Variants in MGAT4C observed in about 807,000 individuals in gnomAD.
MGAT4C encodes the protein alpha-1,3-mannosyl-glycoprotein 4-beta-N-acetylglucosaminyltransferase C.
In MGAT4C, 19 loss-of-function variants were observed where a neutral mutation model predicts 40.1. The ratio of observed to expected loss-of-function variants is 0.47; its 90% confidence interval spans 0.33 to 0.70. The LOEUF is 0.70. Among genes scored for constraint, MGAT4C ranks in the 30% least tolerant of loss-of-function variants. The pLI is 0.02. For missense variants in MGAT4C, 491 were observed against 563.2 expected (o/e 0.87, Z 1.30); for synonymous variants, 181 against 187.1 (o/e 0.97, Z 0.27).
intron 1 of MGAT4C, among the ~76,000 whole-genome samples, chr12:86,199,038 G>A (rs958532104): frequency 3.3e-5 from 5 of 152,130 alleles, no homozygotes; most frequent in Non-Finnish European, 4.4e-5. Flanking sequence ...ACTCATAATG[G>A]TTACCTTAAT....
intron 1 of MGAT4C, among the ~76,000 whole-genome samples, chr12:86,737,558 G>A (rs773513265): frequency 2.0e-5 from 3 of 151,130 alleles, no homozygotes; most frequent in Non-Finnish European, 4.4e-5. Context: ...CAAATTCCAT[G>A]CCAGTACCGA....
At chr12:86,326,295 AT>A (rs1280017595) in intron 4 of MGAT4C, among the ~76,000 whole-genome samples, 1 of 127,992 alleles carries the variant, frequency 7.8e-6, no homozygotes, top group East Asian at 2.2e-4. Flanking sequence ...CAGTATTCTC[AT>A]CACACACACA....
At chr12:86,119,097 T>C (rs1878922477) in intron 1 of MGAT4C, among the ~76,000 whole-genome samples, 1 of 152,154 alleles carries the variant, frequency 6.6e-6, no homozygotes, top group Non-Finnish European at 1.5e-5. Flanking sequence ...TAATGTTACA[T>C]AGTTTTAAGT....
chr12:86,613,562 C>T (rs1486928254), intron 2 of MGAT4C, among the ~76,000 whole-genome samples: 1 of 152,068 alleles, frequency 6.6e-6, no homozygotes, highest in Non-Finnish European at 1.5e-5. Flanking sequence ...TGTTATTTCA[C>T]AGCTGTCAAA....
At chr12:86,624,174 G>A (rs1054091598) in intron 2 of MGAT4C, among the ~76,000 whole-genome samples, 2 of 152,148 alleles carry the variant, frequency 1.3e-5, no homozygotes, top group African/African-American at 4.8e-5. Context: ...GATACCAACT[G>A]AGGCAAGGGC....
At chr12:86,586,248 A>C (rs2136440656) in intron 2 of MGAT4C, among the ~76,000 whole-genome samples, 1 of 128,036 alleles carries the variant, frequency 7.8e-6, no homozygotes, top group African/African-American at 2.8e-5. Context: ...ATGATTTCCA[A>C]TTTCATCTAT....
upstream of MGAT4C, among the ~76,000 whole-genome samples, chr12:86,257,982 C>T (rs1016751920): frequency 6.9e-6 from 1 of 145,788 alleles, no homozygotes; most frequent in Non-Finnish European, 1.5e-5. Flanking sequence ...TGCATAGAAG[C>T]TTGTTATATA....
chr12:86,113,458 T>C lies in MGAT4C; in HGVS notation c.-56-63735A>G, dbSNP rs201218753. On this transcript the variant is annotated intron_variant, in intron 1 of 4. Transcript: ENST00000611864. ...TTTTGTGTGGATGCTAAAAAAATTA[T>C]ATTCAAGGATGGAAACTCTTTAGGT... 1.1e-4 allele frequency among the ~76,000 whole-genome samples: 17 copies of C among 151,900 alleles called. No homozygotes were observed. The East Asian group carries it at 1.9e-3, about 17-fold the overall frequency.
intron 1 of MGAT4C, among the ~76,000 whole-genome samples, chr12:86,770,376 G>C (rs1464191037): frequency 6.6e-6 from 1 of 151,924 alleles, no homozygotes; most frequent in Non-Finnish European, 1.5e-5. Flanking sequence ...CTAGAGAGTA[G>C]TGACTACTAA....
At chr12:86,083,054 C>T (rs1871133470) in intron 1 of MGAT4C, among the ~76,000 whole-genome samples, 1 of 152,098 alleles carries the variant, frequency 6.6e-6, no homozygotes, top group Non-Finnish European at 1.5e-5. Context: ...CATCCTCTTA[C>T]TTATGTGTCC....
intron 2 of MGAT4C, among the ~76,000 whole-genome samples, chr12:86,032,952 G>T (rs529410121): frequency 6.7e-6 from 1 of 149,712 alleles, no homozygotes; most frequent in East Asian, 1.9e-4. Context: ...TATGGTGTAA[G>T]GAAAGTGTCT....
rs532420925 is a variant in MGAT4C, at chr12:86,382,847, T to C, written c.-119-48720A>G. ...TGTACAGAAGTCATGAATTGGGGTT[T>C]GGGAGCCTTTGGCTTGATTTCAGAT... is the stretch of plus-strand genomic sequence containing the variant. On this transcript the variant is annotated intron_variant, in intron 3 of 7. Coordinates refer to the MGAT4C transcript ENST00000548651. Among the ~76,000 whole-genome samples the C allele has an allele frequency of 5.9e-5, 9 of 152,332 alleles. No individual in the cohort carries two copies. In the East Asian group the frequency reaches 1.5e-3, roughly 26 times the overall value.
At chr12:86,579,130 A>T (rs1242365176) in intron 2 of MGAT4C, among the ~76,000 whole-genome samples, 1 of 151,472 alleles carries the variant, frequency 6.6e-6, no homozygotes, top group African/African-American at 2.4e-5. Flanking sequence ...ATGTTTATTG[A>T]TCGGAGAGTC....
At chr12:86,027,054 A>G (rs991389302) in intron 2 of MGAT4C, among the ~76,000 whole-genome samples, 1 of 152,020 alleles carries the variant, frequency 6.6e-6, no homozygotes, top group African/African-American at 2.4e-5. Flanking sequence ...AAAAGGAAAA[A>G]TAGTGACAAC....
chr12:86,115,624 C>G (rs917670659), intron 1 of MGAT4C, among the ~76,000 whole-genome samples: 1 of 151,852 alleles, frequency 6.6e-6, no homozygotes, highest in Non-Finnish European at 1.5e-5. Context: ...TTCTCAGTGA[C>G]AAAGTCATCT....
Position 86,446,116 on chromosome 12 carries a change from C to T in MGAT4C, c.-228-10851G>A, listed in dbSNP as rs556902832. ...ACATATAGCTACACATAAAGTATAT[C>T]ACAAAAATATAGAATAAAATTTATT... On this transcript the variant is annotated intron_variant, in intron 2 of 7. Coordinates refer to the MGAT4C transcript ENST00000548651. Among the ~76,000 whole-genome samples, 18 of 152,012 alleles carry T rather than the reference C, an allele frequency of 1.2e-4. No homozygotes were observed. The East Asian group carries it at 3.3e-3, about 28-fold the overall frequency.
intron 1 of MGAT4C, among the ~76,000 whole-genome samples, chr12:86,233,287 G>C (rs55979919): frequency 1.3e-5 from 2 of 152,126 alleles, no homozygotes; most frequent in Non-Finnish European, 2.9e-5. Flanking sequence ...TGAAGTATTG[G>C]TGCTTACTCA....
intron 2 of MGAT4C, among the ~76,000 whole-genome samples, chr12:86,589,621 T>A (rs1280632062): frequency 6.6e-6 from 1 of 151,996 alleles, no homozygotes; most frequent in Non-Finnish European, 1.5e-5. Flanking sequence ...TTTAGACCAA[T>A]ATCCTTGATG....
At chr12:86,668,916 A>T (rs1964181537) in intron 2 of MGAT4C, among the ~76,000 whole-genome samples, 1 of 151,934 alleles carries the variant, frequency 6.6e-6, no homozygotes, top group East Asian at 2.0e-4. Flanking sequence ...CCAGACAGAA[A>T]TCCAGGCATT....
Sources: gnomAD v4.1 joint callset for allele counts (sites outside exome capture counted in the v4.1 genomes callset) on GRCh38, gnomAD v4.1.1 for gene constraint, MANE v1.5 for transcripts, NCBI Gene and HGNC (gene_info 2026-07-23, HGNC 2026-07-21) for gene names.